Variants in EPHA6 observed in about 807,000 individuals in gnomAD.
EPHA6 encodes the protein EPH receptor A6, also known as ephrin type-A receptor 6.
EPHA6 carries 50 observed loss-of-function variants against 112.0 expected under a neutral mutation model. The observed-to-expected ratio is 0.45, with a 90% CI of 0.36 to 0.56. EPHA6 has a LOEUF of 0.56. Ranked by LOEUF, EPHA6 falls within the 20% of genes least tolerant of loss-of-function variation. EPHA6 has a pLI of 0.00. For synonymous variants in EPHA6, 529 were observed against 490.7 expected, an observed-to-expected ratio of 1.08 and a Z score of -1.03; for missense variants, 1,280 against 1,417.4, an observed-to-expected ratio of 0.90 and a Z score of 1.56.
intron 6 of EPHA6, among the ~76,000 whole-genome samples, chr3:97,423,368 T>C (rs748321564): frequency 1.3e-5 from 2 of 152,076 alleles, no homozygotes; most frequent in Non-Finnish European, 2.9e-5. Context: ...TTGTCCAAGA[T>C]GAGAGTCAAA....
intron 14 of EPHA6, among the ~76,000 whole-genome samples, chr3:97,718,524 G>A (rs1245818774): frequency 6.6e-6 from 1 of 151,900 alleles, no homozygotes; most frequent in Non-Finnish European, 1.5e-5. Flanking sequence ...AAATTCCCTT[G>A]TGGAACATAC....
At chr3:97,062,991 C>T (rs562636508) in intron 3 of EPHA6, among the ~76,000 whole-genome samples, 3 of 150,724 alleles carry the variant, frequency 2.0e-5, no homozygotes, top group Admixed American at 2.0e-4. Flanking sequence ...CAAATCAAAA[C>T]CACAATTAAA....
chr3:97,656,795 T>C (rs1482347890), intron 14 of EPHA6, among the ~76,000 whole-genome samples: 2 of 151,968 alleles, frequency 1.3e-5, no homozygotes. Context: ...TCTGAATGCA[T>C]CTATGATCCA....
intron 6 of EPHA6, among the ~76,000 whole-genome samples, chr3:97,428,680 CT>C (rs1458366782): frequency 3.4e-4 from 51 of 152,158 alleles, no homozygotes; most frequent in Admixed American, 3.3e-3. Context: ...AGTGTTCTCC[CT>C]TTAAGAGAGA....
chr3:97,063,642 T>C (rs1464947663), intron 3 of EPHA6, among the ~76,000 whole-genome samples: 1 of 152,134 alleles, frequency 6.6e-6, no homozygotes, highest in Non-Finnish European at 1.5e-5. Flanking sequence ...CAAATCACCA[T>C]GGCACACGTT....
intron 2 of EPHA6, among the ~76,000 whole-genome samples, chr3:96,958,661 G>A (rs1392500564): frequency 6.6e-6 from 1 of 152,010 alleles, no homozygotes; most frequent in African/African-American, 2.4e-5. Flanking sequence ...CTAGACAAAC[G>A]GTAATCTACT....
At chr3:97,272,325 T>C (rs2108643387) in intron 5 of EPHA6, among the ~76,000 whole-genome samples, 1 of 114,648 alleles carries the variant, frequency 8.7e-6, no homozygotes, top group South Asian at 3.2e-4. Flanking sequence ...TGTGTGTGTG[T>C]GTGTGTGTAC....
chr3:97,375,482 T>C (rs1010517579), intron 5 of EPHA6, among the ~76,000 whole-genome samples: 4 of 152,124 alleles, frequency 2.6e-5, no homozygotes, highest in African/African-American at 9.7e-5. Context: ...TTCAGTTATA[T>C]TGTATAAAGT....
chr3:97,743,687 TA>T (rs2035599262), intron 16 of EPHA6, among the ~76,000 whole-genome samples: 1 of 152,068 alleles, frequency 6.6e-6, no homozygotes, highest in East Asian at 1.9e-4. Flanking sequence ...ATGTATTAGC[TA>T]GGAAACAAGA....
At chr3:97,173,979 T>G (rs2076765503) in intron 3 of EPHA6, among the ~76,000 whole-genome samples, 1 of 151,732 alleles carries the variant, frequency 6.6e-6, no homozygotes, top group African/African-American at 2.4e-5. Context: ...GTCTTATTCA[T>G]TCTTTCTATT....
At chr3:96,979,428 A>G (rs922306352) in intron 2 of EPHA6, among the ~76,000 whole-genome samples, 1 of 152,012 alleles carries the variant, frequency 6.6e-6, no homozygotes, top group Non-Finnish European at 1.5e-5. Context: ...TATGTGCCAC[A>G]TTTTCTTAAT....
chr3:97,223,854 A>G (rs1215543167), intron 3 of EPHA6, among the ~76,000 whole-genome samples: 1 of 152,168 alleles, frequency 6.6e-6, no homozygotes, highest in African/African-American at 2.4e-5. Context: ...TAACATTAAT[A>G]TGGTCGGAAA....
intron 5 of EPHA6, among the ~76,000 whole-genome samples, chr3:97,363,085 A>T (rs2084464973): frequency 6.8e-6 from 1 of 147,118 alleles, no homozygotes; most frequent in Non-Finnish European, 1.5e-5. Context: ...AGAACTCTCT[A>T]CACACAACAA....
intron 3 of EPHA6, among the ~76,000 whole-genome samples, chr3:96,997,864 T>C (rs2043480838): frequency 6.6e-6 from 1 of 152,032 alleles, no homozygotes; most frequent in African/African-American, 2.4e-5. Flanking sequence ...GATGCAAGGT[T>C]GCCACAAACC....
intron 3 of EPHA6, among the ~76,000 whole-genome samples, chr3:97,153,151 G>A (rs2108380195): frequency 6.6e-6 from 1 of 152,172 alleles, no homozygotes; most frequent in African/African-American, 2.4e-5. Context: ...CTGTCAGTTA[G>A]ACAGCTGGTT....
At chr3:97,552,348 C>T (rs1023889012) in intron 11 of EPHA6, among the ~76,000 whole-genome samples, 9 of 152,154 alleles carry the variant, frequency 5.9e-5, no homozygotes, top group Admixed American at 4.6e-4. Flanking sequence ...TAATTACAGG[C>T]ATCTACTTCT....
chr3:96,826,074 A>C (rs2107246079), intron 1 of EPHA6, among the ~76,000 whole-genome samples: 1 of 152,012 alleles, frequency 6.6e-6, no homozygotes, highest in East Asian at 1.9e-4. Flanking sequence ...TATTTTTATA[A>C]GGTTAGATTA....
At chr3:97,455,332 T>C (rs2090647426) in intron 7 of EPHA6, among the ~76,000 whole-genome samples, 1 of 152,026 alleles carries the variant, frequency 6.6e-6, no homozygotes, top group Non-Finnish European at 1.5e-5. Context: ...GAAGATACTA[T>C]TATGCCAATT....
At chr3:97,498,919 G>A (rs547696113) in intron 10 of EPHA6, among the ~76,000 whole-genome samples, 1 of 152,230 alleles carries the variant, frequency 6.6e-6, no homozygotes, top group South Asian at 2.1e-4. Context: ...AAAAGGTTGG[G>A]GACCTCCACT....
Sources: gnomAD v4.1 joint callset for allele counts (sites outside exome capture counted in the v4.1 genomes callset) on GRCh38, gnomAD v4.1.1 for gene constraint, MANE v1.5 for transcripts, NCBI Gene and HGNC (gene_info 2026-07-23, HGNC 2026-07-21) for gene names.